The following PTPRT variants were observed in gnomAD, a reference collection of about 807,000 sequenced individuals.
The protein encoded by PTPRT is receptor-type tyrosine-protein phosphatase T.
PTPRT carries 56 observed loss-of-function variants against 176.8 expected under a neutral mutation model. The observed-to-expected ratio is 0.32, with a 90% CI of 0.26 to 0.40. The LOEUF (loss-of-function observed/expected upper bound fraction) is 0.40. PTPRT is among the 10% of genes least tolerant of loss of function. PTPRT has a pLI of 1.00. For synonymous variants in PTPRT, 783 were observed against 739.0 expected, an observed-to-expected ratio of 1.06 and a Z score of -0.96; for missense variants, 1,540 against 1,908.2, an observed-to-expected ratio of 0.81 and a Z score of 3.60.
intron 7 of PTPRT, among the ~76,000 whole-genome samples, chr20:42,565,113 G>A (rs1385633992): frequency 3.3e-5 from 5 of 152,126 alleles, no homozygotes; most frequent in African/African-American, 1.2e-4. Context: ...CATGAAGACA[G>A]CACCCGAGAA....
chr20:42,752,108 A>G (rs2076778293), intron 6 of PTPRT, among the ~76,000 whole-genome samples: 1 of 152,134 alleles, frequency 6.6e-6, no homozygotes, highest in Non-Finnish European at 1.5e-5. Flanking sequence ...TTTACAGAAC[A>G]GGCCTGACAT....
chr20:42,242,298 T>C (rs1053219219), intron 14 of PTPRT, among the ~76,000 whole-genome samples: 4 of 152,326 alleles, frequency 2.6e-5, no homozygotes, highest in Non-Finnish European at 5.9e-5. Context: ...GTATAATCCA[T>C]AGAGAGTTGA....
At chr20:42,618,050 C>A (rs1357107607) in intron 7 of PTPRT, among the ~76,000 whole-genome samples, 2 of 137,102 alleles carry the variant, frequency 1.5e-5, no homozygotes, top group Non-Finnish European at 3.1e-5. Context: ...AATTTTGGAT[C>A]TTTCCTGCTT....
chr20:42,960,845 T>C (rs1297392348), intron 1 of PTPRT, among the ~76,000 whole-genome samples: 5 of 152,190 alleles, frequency 3.3e-5, no homozygotes, highest in Non-Finnish European at 7.3e-5. Context: ...TGGGAGAATA[T>C]ACCCAGACAG....
At chr20:42,640,271 CTTT>C (rs1337250105) in intron 7 of PTPRT, among the ~76,000 whole-genome samples, 2 of 152,062 alleles carry the variant, frequency 1.3e-5, no homozygotes, top group African/African-American at 4.8e-5. Flanking sequence ...TGAATCTATT[CTTT>C]GTCTATACAT....
intron 1 of PTPRT, among the ~76,000 whole-genome samples, chr20:43,067,937 C>G: frequency 1.5e-5 from 1 of 64,648 alleles, no homozygotes; most frequent in Non-Finnish European, 2.9e-5. Context: ...TGCATTCCAG[C>G]CTGGGTGATG....
intron 7 of PTPRT, among the ~76,000 whole-genome samples, chr20:42,609,393 C>A (rs534712000): frequency 1.1e-4 from 16 of 152,248 alleles, no homozygotes; most frequent in African/African-American, 3.9e-4. Context: ...TTGAATTAAA[C>A]CATTTTCATC....
intron 1 of PTPRT, among the ~76,000 whole-genome samples, chr20:43,110,405 C>A (rs914287649): frequency 4.6e-5 from 7 of 152,166 alleles, no homozygotes; most frequent in African/African-American, 1.4e-4. Context: ...GACAAATTAA[C>A]CATATCCAAA....
At chr20:42,944,827 G>A (rs1468624664) in intron 1 of PTPRT, among the ~76,000 whole-genome samples, 4 of 152,152 alleles carry the variant, frequency 2.6e-5, no homozygotes, top group African/African-American at 9.7e-5. Context: ...TTGCAAATAT[G>A]TGTCTGTGAT....
chr20:42,318,665 T>C (rs1045783857), intron 11 of PTPRT, among the ~76,000 whole-genome samples: 3 of 152,018 alleles, frequency 2.0e-5, no homozygotes, highest in Non-Finnish European at 4.4e-5. Context: ...GGACCAGGAG[T>C]TGGAAAGAGC....
At chr20:42,440,847 T>C (rs1431752620) in intron 9 of PTPRT, among the ~76,000 whole-genome samples, 1 of 152,196 alleles carries the variant, frequency 6.6e-6, no homozygotes, top group African/African-American at 2.4e-5. Flanking sequence ...GCAGTTCCAG[T>C]CTGAAAGGCA....
At chr20:42,225,803 C>A (rs2055995454) in intron 15 of PTPRT, among the ~76,000 whole-genome samples, 1 of 152,108 alleles carries the variant, frequency 6.6e-6, no homozygotes, top group South Asian at 2.1e-4. Flanking sequence ...GAGGTGTGCA[C>A]CACCCCACCA....
At chr20:42,229,565 C>G (rs1162532699) in intron 15 of PTPRT, among the ~76,000 whole-genome samples, 3 of 152,154 alleles carry the variant, frequency 2.0e-5, no homozygotes, top group African/African-American at 7.2e-5. Context: ...TGCTTCACAG[C>G]AGCTGATGAT....
intron 1 of PTPRT, among the ~76,000 whole-genome samples, chr20:43,132,080 A>G (rs2013662223): frequency 6.6e-6 from 1 of 152,158 alleles, no homozygotes; most frequent in Non-Finnish European, 1.5e-5. Context: ...GAAAAATGCT[A>G]GAAGTGTTCC....
rs368567422 is a variant in PTPRT, at chr20:42,837,500, TG to T, written c.215-46035del. ...CACCACCCATGCCCTGCCATCAAAG[TG>T]GAGGGAAGGACCAATCTCGGGCCCC... is the stretch of plus-strand genomic sequence containing the variant. On this transcript the variant is annotated intron_variant, in intron 2 of 30. Coordinates refer to ENST00000373187, the MANE Select transcript of PTPRT (RefSeq NM_007050.6). 1.8e-4 allele frequency among the ~76,000 whole-genome samples: 28 copies of T among 152,222 alleles called. No individual in the cohort carries two copies. The East Asian group carries it at 4.5e-3, about 24-fold the overall frequency.
intron 1 of PTPRT, among the ~76,000 whole-genome samples, chr20:42,902,297 C>CAGTG (rs1425892679): frequency 6.6e-6 from 1 of 152,178 alleles, no homozygotes; most frequent in Non-Finnish European, 1.5e-5. Flanking sequence ...CTTCCTGGAA[C>CAGTG]AGTGAGTACA....
At chr20:43,011,972 T>C (rs553967713) in intron 1 of PTPRT, among the ~76,000 whole-genome samples, 2 of 152,318 alleles carry the variant, frequency 1.3e-5, no homozygotes, top group South Asian at 4.1e-4. Flanking sequence ...TTTTGGACTT[T>C]TGGTCTTACA....
chr20:42,226,594 A>C (rs1003507216), intron 15 of PTPRT, among the ~76,000 whole-genome samples: 1 of 152,176 alleles, frequency 6.6e-6, no homozygotes, highest in Non-Finnish European at 1.5e-5. Context: ...TTAGAAAGGC[A>C]TTTTCCAGTT....
intron 17 of PTPRT, among the ~76,000 whole-genome samples, chr20:42,160,484 CA>C (rs1450896334): frequency 1.1e-5 from 1 of 93,288 alleles, no homozygotes; most frequent in Non-Finnish European, 2.0e-5. Context: ...AATTGTTCTG[CA>C]AAATAAAAGA....
Sources: allele counts gnomAD v4.1 joint callset (sites outside exome capture counted in the v4.1 genomes callset), GRCh38; gene constraint gnomAD v4.1.1; transcripts MANE v1.5; gene names NCBI Gene and HGNC (gene_info 2026-07-23, HGNC 2026-07-21).